SERPINB6: variants seen among roughly 807,000 people sequenced by gnomAD.
SERPINB6 encodes the protein serpin family B member 6.
Under a neutral mutation model 26.1 loss-of-function variants are expected in SERPINB6, and 16 were observed. That is an observed-to-expected ratio of 0.61 (90% CI 0.42 to 0.93). The LOEUF is 0.93. Among genes scored for constraint, SERPINB6 ranks in the 40% least tolerant of loss-of-function variants. The pLI, the probability that SERPINB6 is intolerant of heterozygous loss-of-function variation, is 0.00. For synonymous variants in SERPINB6, 174 were observed against 176.6 expected (o/e 0.99, Z 0.11); for missense variants, 420 against 478.0 (o/e 0.88, Z 1.13).
rs1771152328 is a variant in SERPINB6 at position 2,961,872 on chromosome 6, T to C, written c.-10-2530A>G. ...TCTACCGTCAGCACACGTTTTCCCC[T>C]CAAATGCTGAAGGACTCTTACGCTT... On this transcript the variant is annotated intron_variant, in intron 1 of 6. Transcript: ENST00000380539. 7.1e-6 allele frequency: 7 copies of C among 983,912 alleles called. No individual in the cohort carries two copies. The South Asian group carries it at 3.3e-4, about 46-fold the overall frequency. The allele number at this position is 983,912 out of a possible 1,614,324, so 60.9% of individuals were successfully genotyped here.
chr6:2,961,522 T>A (rs1771102910), intron 1 of SERPINB6, among the ~76,000 whole-genome samples: 1 of 152,162 alleles, frequency 6.6e-6, no homozygotes. Flanking sequence ...ACTGCCCGCT[T>A]ATCAACTTGA....
chr6:2,969,949 G>A lies in SERPINB6; in HGVS notation c.-11+1584C>T. ...CAGGAGTTTGAGACCAGCCTGGCCA[G>A]CATGGTGAAACCCCATTGCTACTAA... On this transcript the variant is annotated intron_variant, in intron 1 of 6. Transcript: ENST00000380539. 3 of 738,266 alleles carry A rather than the reference G, an allele frequency of 4.1e-6. No homozygotes were observed. The South Asian group carries it at 1.8e-4, about 45-fold the overall frequency. The allele number at this position is 738,266 out of a possible 1,614,324, so 45.7% of individuals were successfully genotyped here. A position where few individuals can be genotyped will look rare whatever the true frequency, so the allele number is the denominator to read the frequency against.
chr6:2,970,945 T>C lies in SERPINB6; in HGVS notation c.-11+588A>G, dbSNP rs1772092917. 13 of 1,228,190 alleles carry C rather than the reference T, an allele frequency of 1.1e-5. No individual in the cohort carries two copies. In the South Asian group the frequency reaches 5.5e-4, roughly 52 times the overall value. 76.1% of individuals were successfully genotyped at this position (1,228,190 alleles called of 1,614,324 possible). A position where few individuals can be genotyped will look rare whatever the true frequency, so the allele number is the denominator to read the frequency against. On this transcript the variant is annotated intron_variant, in intron 1 of 6. Transcript: ENST00000380539. ...GATTGGCCAAGCCCAGCACGGCCAG[T>C]CCAGTGAACACACGCAGGGGGCCCG...
intron 2 of SERPINB6, 37 bp from the exon 3 acceptor site, chr6:2,955,707 G>A (rs375459758): frequency 1.2e-6 from 2 of 1,612,052 alleles, no homozygotes. Context: ...AATCATTCCT[G>A]TATGCTCTGA....
Position 2,948,227 on chromosome 6 carries a change from G to C in SERPINB6, c.*71C>G. ...CACCACTGCACGGATAAGGCCACTTGGGTTGCAGGCACACTGTGGAGTGTC... is the reference window on the plus strand; with the variant it reads ...CACCACTGCACGGATAAGGCCACTTCGGTTGCAGGCACACTGTGGAGTGTC... On this transcript the variant is annotated 3_prime_UTR_variant, in exon 7 of 7. Coordinates refer to ENST00000380539, the MANE Select transcript of SERPINB6 (RefSeq NM_004568.6). This position sits in a 1 kb window ranked among gnomAD's most constrained non-coding sequence, Gnocchi z 5.0. 1 of 1,581,392 alleles carries C rather than the reference G, an allele frequency of 6.3e-7. No individual in the cohort carries two copies. Among genetic ancestry groups the C allele is most frequent in the Non-Finnish European group, 8.7e-7 (1 of 1,152,172 alleles).
intron 2 of SERPINB6, chr6:2,957,397 T>C (rs1007308717): frequency 6.6e-6 from 1 of 152,218 alleles, no homozygotes; most frequent in African/African-American, 2.4e-5. Flanking sequence ...AGAATAAAAA[T>C]GTTTCTTCTT....
intron 1 of SERPINB6, among the ~76,000 whole-genome samples, chr6:2,964,282 G>A (rs968305757): frequency 6.6e-6 from 1 of 152,010 alleles, no homozygotes; most frequent in Admixed American, 6.6e-5. Context: ...CCACTTCTAG[G>A]AATTTCACTG....
rs553023388 is a variant in SERPINB6 at position 2,959,545 on chromosome 6, T to C, written c.-10-203A>G. The stretch of plus-strand genomic sequence containing the variant: ...AAGTGTGGAAAATGAAAGAGTTCTA[T>C]GTGAAACGCCGCCCTGTTTTGTGAG... On this transcript the variant is annotated intron_variant, in intron 1 of 6. Transcript: ENST00000380539. 5.8e-5 allele frequency: 35 copies of C among 608,098 alleles called. No homozygotes were observed. In the African/African-American group the frequency reaches 5.9e-4, roughly 10 times the overall value. 37.7% of individuals were successfully genotyped at this position (608,098 alleles called of 1,614,324 possible). A position where few individuals can be genotyped will look rare whatever the true frequency, so the allele number is the denominator to read the frequency against.
chr6:2,949,403 G>A (rs1266115380), intron 5 of SERPINB6, among the ~76,000 whole-genome samples: 4 of 152,182 alleles, frequency 2.6e-5, no homozygotes, highest in Admixed American at 6.5e-5. Flanking sequence ...ACCTATGTTT[G>A]GACATAAAAG....
intron 1 of SERPINB6, chr6:2,970,859 G>A (rs1003529627): frequency 8.1e-7 from 1 of 1,231,494 alleles, no homozygotes; most frequent in Non-Finnish European, 1.0e-6. Context: ...AGAGCGGTAA[G>A]GAGATCCGGG....
intron 5 of SERPINB6, 66 bp from the exon 6 acceptor site, chr6:2,949,135 C>A: frequency 1.3e-6 from 2 of 1,566,902 alleles, no homozygotes; most frequent in South Asian, 2.3e-5. Flanking sequence ...ACAAATGTGT[C>A]GGAGCTGGCC....
intron 5 of SERPINB6, among the ~76,000 whole-genome samples, chr6:2,949,767 C>T (rs750198919): frequency 6.6e-6 from 1 of 152,210 alleles, no homozygotes; most frequent in Non-Finnish European, 1.5e-5. Flanking sequence ...GACACCCTTC[C>T]CTGGCTCCCC....
At position 2,971,355 on chromosome 6, in the gene SERPINB6, G is replaced by A. The variant is rs9378747; in HGVS notation, c.-11+178C>T. The A allele has an allele frequency of 0.31, 68,237 of 221,042 alleles. 10,953 individuals carry two copies. Among genetic ancestry groups the A allele is most frequent in the East Asian group, 0.5 (2,674 of 5,370 alleles). The allele number at this position is 221,042 out of a possible 1,614,324, so 13.7% of individuals were successfully genotyped here. ...GGGACTGCTGGGGTCACAGCCCCGC[G>A]CGGCCACGCCCCATTCTCGGGGCTC... On this transcript the variant is annotated intron_variant, in intron 1 of 6. Coordinates refer to ENST00000380539, the MANE Select transcript of SERPINB6 (RefSeq NM_004568.6).
chr6:2,967,137 T>C lies in SERPINB6; in HGVS notation c.-11+4396A>G, dbSNP rs1771714008. The C allele has an allele frequency of 1.0e-6, 1 of 984,858 alleles. No individual in the cohort carries two copies. The highest frequency in any genetic ancestry group is 1.1e-4 in the East Asian group (1 of 8,824). The allele number at this position is 984,858 out of a possible 1,614,324, so 61.0% of individuals were successfully genotyped here. On this transcript the variant is annotated intron_variant, in intron 1 of 6. Transcript: ENST00000380539. This position sits in a 1 kb window ranked among gnomAD's most constrained non-coding sequence, Gnocchi z 4.3. ...GGGGCCAGGCTACTCACCCCAAAGGTGACCAGTGCAGAGCTCCAGCCACCC... is the reference window on the plus strand; with the variant it reads ...GGGGCCAGGCTACTCACCCCAAAGGCGACCAGTGCAGAGCTCCAGCCACCC...
chr6:2,955,385 A>C, intron 3 of SERPINB6, 139 bp downstream of exon 3: 1 of 963,240 alleles, frequency 1.0e-6, no homozygotes, highest in Non-Finnish European at 1.6e-6. Context: ...AATTTAAAAC[A>C]TATTGGCAGG....
rs1769980956 is a variant in SERPINB6, at chr6:2,952,966, G to A, written c.573+78C>T. ...GGGGCAGGGACAGAAAGGCCCCACG[G>A]CTGCAGACGCGGGAGGCCCCGAGCC... is the stretch of plus-strand genomic sequence containing the variant. On this transcript the variant is annotated intron_variant, in intron 5 of 6. Coordinates refer to ENST00000380539, the MANE Select transcript of SERPINB6 (RefSeq NM_004568.6). The A allele has an allele frequency of 2.1e-5, 34 of 1,594,470 alleles. No homozygotes were observed. In the South Asian group the frequency reaches 3.6e-4, roughly 17 times the overall value.
chr6:2,950,078 G>C (rs777992132), intron 5 of SERPINB6, among the ~76,000 whole-genome samples: 1 of 152,014 alleles, frequency 6.6e-6, no homozygotes, highest in Non-Finnish European at 1.5e-5. Context: ...CCCTCCCTTG[G>C]TATGTCTCTG....
chr6:2,962,014 C>T lies in SERPINB6; in HGVS notation c.-10-2672G>A, dbSNP rs141796000. On this transcript the variant is annotated intron_variant, in intron 1 of 6. Transcript: ENST00000380539. The stretch of plus-strand genomic sequence containing the variant: ...GTGCTGAGATTACAGCCATGCACCA[C>T]GCCCAGCCTAAAGGACTTTTAATTC... The T allele has an allele frequency of 1.7e-4, 164 of 985,324 alleles. 1 individual carries two copies. In the East Asian group the frequency reaches 9.3e-3, roughly 56 times the overall value. 61.0% of individuals were successfully genotyped at this position (985,324 alleles called of 1,614,324 possible).
At chr6:2,953,001 C>G (rs778349873) in intron 5 of SERPINB6, 43 bp downstream of exon 5, 1 of 1,613,274 alleles carries the variant, frequency 6.2e-7, no homozygotes, top group South Asian at 1.1e-5. Context: ...CGGAGACGCT[C>G]GTGTGAACAC....
Sources: allele counts gnomAD v4.1 joint callset (sites outside exome capture counted in the v4.1 genomes callset), GRCh38; gene constraint gnomAD v4.1.1; non-coding constraint Gnocchi (gnomAD v3.1); transcripts MANE v1.5; gene names NCBI Gene and HGNC (gene_info 2026-07-23, HGNC 2026-07-21).